The following CASP10 variants were observed in gnomAD, a reference collection of about 807,000 sequenced individuals.
CASP10 encodes caspase 10, also known as caspase-10.
Under a neutral mutation model 48.5 loss-of-function variants are expected in CASP10, and 41 were observed. The observed-to-expected ratio is 0.85, with a 90% CI of 0.66 to 1.10. The LOEUF (loss-of-function observed/expected upper bound fraction) is 1.10. CASP10 is among the 50% of genes least tolerant of loss of function. The pLI, the probability that CASP10 is intolerant of heterozygous loss-of-function variation, is 0.00. For synonymous variants in CASP10, 232 were observed against 238.4 expected (o/e 0.97, Z 0.25); for missense variants, 614 against 614.5 (o/e 1.00, Z 0.01).
At chr2:201,194,275 T>C (rs1944714638) in intron 4 of CASP10, among the ~76,000 whole-genome samples, 3 of 152,176 alleles carry the variant, frequency 2.0e-5, no homozygotes, top group African/African-American at 4.8e-5. Flanking sequence ...GCAAGCGCTA[T>C]ACATAAAAAC....
intron 1 of CASP10, among the ~76,000 whole-genome samples, chr2:201,185,086 GGCTCAAATGATC>G (rs1944367946): frequency 1.3e-5 from 2 of 152,080 alleles, no homozygotes; most frequent in South Asian, 4.1e-4. Context: ...GTGCTCCCCA[GGCTCAAATGATC>G]CTTCCATCCT....
At chr2:201,211,709 A>G (rs1348077080) in intron 9 of CASP10, among the ~76,000 whole-genome samples, 1 of 152,068 alleles carries the variant, frequency 6.6e-6, no homozygotes, top group Non-Finnish European at 1.5e-5. Context: ...TGACATATTG[A>G]TTGCATTTTC....
At chr2:201,205,228 C>CTTTTT (rs35121141) in intron 6 of CASP10, among the ~76,000 whole-genome samples, 8 of 138,856 alleles carry the variant, frequency 5.8e-5, no homozygotes, top group Non-Finnish European at 7.8e-5. Flanking sequence ...CTTTTCTTTT[C>CTTTTT]TTTTTTTTTT....
intron 9 of CASP10, among the ~76,000 whole-genome samples, chr2:201,210,712 C>A (rs906681314): frequency 6.6e-6 from 1 of 152,120 alleles, no homozygotes; most frequent in East Asian, 1.9e-4. Context: ...TTATTGAGAG[C>A]GTACTATGTG....
chr2:201,187,189 G>A (rs986620743), intron 2 of CASP10, among the ~76,000 whole-genome samples: 8 of 152,306 alleles, frequency 5.3e-5, no homozygotes, highest in African/African-American at 1.9e-4. Context: ...CCATTCTGCT[G>A]GCTAAACATC....
chr2:201,228,218 C>T (rs76481301), intron 9 of CASP10, among the ~76,000 whole-genome samples: 7,822 of 152,142 alleles, frequency 0.051, 642 homozygotes, highest in African/African-American at 0.18. Flanking sequence ...CACCTGTAGT[C>T]CCAGCTACTC....
intron 7 of CASP10, 95 bp downstream of exon 7, chr2:201,206,068 G>A (rs1038785127): frequency 9.6e-6 from 7 of 725,836 alleles, no homozygotes; most frequent in Non-Finnish European, 1.4e-5. Flanking sequence ...TCTCCCTAGG[G>A]TCCAGCCTTC....
Position 201,209,184 on chromosome 2 carries a change from C to T in CASP10, c.1037C>T (p.Ala346Val). ...LQKQKCNPAH[A>V]DGDCFVFCIL... The stretch of plus-strand genomic sequence containing the variant: ...AAGCAGAAGTGCAATCCAGCCCATG[C>T]CGACGGGGACTGCTTCGTGTTCTGT... The change falls in exon 9 of 10, where the codon GCC becomes GTC. Residue 346 changes from alanine (A) to valine (V), a missense_variant. Physicochemically the swap from Ala to Val is moderately conservative, Grantham distance 64. Transcript: ENST00000286186. 1 of 1,612,590 alleles carries T rather than the reference C, an allele frequency of 6.2e-7. No homozygotes were observed. The highest frequency in any genetic ancestry group is 1.7e-5 in the Admixed American group (1 of 59,916).
intron 6 of CASP10, among the ~76,000 whole-genome samples, chr2:201,205,367 G>A (rs1945166203): frequency 6.6e-6 from 1 of 151,692 alleles, no homozygotes; most frequent in Admixed American, 6.6e-5. Context: ...TGGGACTACA[G>A]GCAATGTGTC....
intron 5 of CASP10, 117 bp from the exon 6 acceptor site, chr2:201,203,613 C>G: frequency 1.0e-6 from 1 of 960,678 alleles, no homozygotes; most frequent in South Asian, 1.3e-5. Context: ...GGCCCAATGA[C>G]CTTTTCTGTG....
intron 9 of CASP10, among the ~76,000 whole-genome samples, chr2:201,211,488 G>C (rs890759266): frequency 6.6e-6 from 1 of 152,174 alleles, no homozygotes; most frequent in Non-Finnish European, 1.5e-5. Flanking sequence ...AGAACAAGCA[G>C]ATTTTTTCTG....
intron 1 of CASP10, among the ~76,000 whole-genome samples, chr2:201,184,570 C>A (rs552701970): frequency 2.0e-5 from 3 of 152,210 alleles, no homozygotes; most frequent in Non-Finnish European, 4.4e-5. Context: ...GTGATCCACC[C>A]GCCTTGGCCT....
chr2:201,191,755 T>C (rs1263783803), intron 3 of CASP10, among the ~76,000 whole-genome samples: 4 of 152,196 alleles, frequency 2.6e-5, no homozygotes, highest in Admixed American at 2.6e-4. Context: ...ATAGCTTTCA[T>C]AGAAATGTAA....
intron 3 of CASP10, among the ~76,000 whole-genome samples, chr2:201,192,613 C>G (rs1314863806): frequency 2.0e-5 from 3 of 152,028 alleles, no homozygotes; most frequent in African/African-American, 4.8e-5. Flanking sequence ...CAGATTGTAC[C>G]AGCTCTGCCA....
intron 5 of CASP10, among the ~76,000 whole-genome samples, chr2:201,202,140 C>T (rs755173544): frequency 1.1e-4 from 17 of 152,168 alleles, no homozygotes; most frequent in Non-Finnish European, 2.2e-4. Flanking sequence ...CGTGAGCCAC[C>T]GTACCCGGCC....
chr2:201,189,185 G>A (rs1257513502), intron 3 of CASP10, among the ~76,000 whole-genome samples: 1 of 151,608 alleles, frequency 6.6e-6, no homozygotes, highest in Non-Finnish European at 1.5e-5. Flanking sequence ...TATTAGAATT[G>A]TATCATTTCG....
chr2:201,195,867 A>C lies in CASP10; in HGVS notation c.603A>C (p.Val201=), dbSNP rs779770348. The part of the protein sequence containing the change: ...EKAIQIVTPP[V]DKEAESYQGE... ...CTATCCAGATAGTGACACCTCCTGT[A>C]GACAAGGAAGCCGAGTCGTATCAAG... The change falls in exon 5 of 10, where the codon GTA becomes GTC. Residue 201 remains valine (V), a synonymous_variant. Coordinates refer to ENST00000286186, the MANE Select transcript of CASP10 (RefSeq NM_032977.4). 2 of 1,613,482 alleles carry C rather than the reference A, an allele frequency of 1.2e-6. No homozygotes were observed. Among genetic ancestry groups the C allele is most frequent in the African/African-American group, 2.7e-5 (2 of 74,880 alleles).
At chr2:201,196,055 C>A (rs948303477) in intron 5 of CASP10, 107 bp downstream of exon 5, 1 of 746,732 alleles carries the variant, frequency 1.3e-6, no homozygotes. Context: ...CCGGTTTGTA[C>A]CATTTATTGT....
rs747327822 is a variant in CASP10, at chr2:201,209,500, T to G, written c.1353T>G (p.His451Gln). The change falls in exon 9 of 10, where the codon CAT becomes CAG. Residue 451 changes from histidine to glutamine, a missense_variant. Transcript: ENST00000286186. ...TCCCAGGCTATGTATCCTTTCGGCA[T>G]GTGGAGGAAGGCAGCTGGTATATTC... Reference protein sequence around the residue: ...ATVPGYVSFRHVEEGSWYIQS... With the variant: ...ATVPGYVSFRQVEEGSWYIQS... The G allele has an allele frequency of 6.2e-6, 10 of 1,613,502 alleles. No homozygotes were observed. Among genetic ancestry groups the G allele is most frequent in the Non-Finnish European group, 2.5e-6 (3 of 1,179,808 alleles).
Sources: allele counts gnomAD v4.1 joint callset (sites outside exome capture counted in the v4.1 genomes callset), GRCh38; gene constraint gnomAD v4.1.1; transcripts MANE v1.5; gene names NCBI Gene and HGNC (gene_info 2026-07-23, HGNC 2026-07-21).